Variants in ARMC9 observed in about 807,000 individuals in gnomAD.
ARMC9 encodes the protein lisH domain-containing protein ARMC9.
ARMC9 carries 94 observed loss-of-function variants against 107.0 expected under a neutral mutation model. That is an observed-to-expected ratio of 0.88 (90% CI 0.74 to 1.04). ARMC9 has a LOEUF of 1.04. Ranked by LOEUF, ARMC9 falls within the 50% of genes least tolerant of loss-of-function variation. The probability of loss-of-function intolerance (pLI) is 0.00; values close to 1 mark genes in which losing one functional copy is unlikely to be tolerated. For synonymous variants in ARMC9, 380 were observed against 396.9 expected (o/e 0.96, Z 0.51); for missense variants, 942 against 1,030.1 (o/e 0.91, Z 1.17).
chr2:231,212,104 A>C (rs2125316402), intron 3 of ARMC9, among the ~76,000 whole-genome samples: 1 of 152,364 alleles, frequency 6.6e-6, no homozygotes. Context: ...AGTTTCCCCA[A>C]GCAGTTTTAT....
intron 10 of ARMC9, 33 bp from the exon 11 acceptor site, chr2:231,258,958 T>A (rs1165010974): frequency 6.3e-7 from 1 of 1,575,646 alleles, no homozygotes. Context: ...CTTTTGCCCT[T>A]TTCTTTCTCT....
At chr2:231,248,369 T>A (rs1276559221) in intron 9 of ARMC9, among the ~76,000 whole-genome samples, 1 of 152,176 alleles carries the variant, frequency 6.6e-6, no homozygotes, top group Non-Finnish European at 1.5e-5. Context: ...TCTGGTTGTG[T>A]CTTGTTTATT....
At chr2:231,315,164 G>C (rs2042592294) in intron 19 of ARMC9, among the ~76,000 whole-genome samples, 2 of 150,834 alleles carry the variant, frequency 1.3e-5, no homozygotes, top group African/African-American at 4.9e-5. Context: ...ACTTGAACCT[G>C]GGAGGCAGAA....
At chr2:231,339,501 A>G (rs1411763553) in intron 20 of ARMC9, among the ~76,000 whole-genome samples, 1 of 152,162 alleles carries the variant, frequency 6.6e-6, no homozygotes, top group Non-Finnish European at 1.5e-5. Flanking sequence ...TTGTGCAATC[A>G]TAGCTCACTG....
At chr2:231,240,102 G>A (rs771784194) in intron 9 of ARMC9, 61 bp downstream of exon 9, 1 of 1,362,534 alleles carries the variant, frequency 7.3e-7, no homozygotes, top group Admixed American at 2.0e-5. Flanking sequence ...TAAAAAGAAT[G>A]TAACTTTAAA....
chr2:231,372,181 G>C lies in ARMC9; in HGVS notation c.*646G>C, dbSNP rs1002943242. ...GGAGATCGAGACCATCCTGGCTAAC[G>C]TGGTGAAACCCCGTCTCTACTAAAA... On this transcript the variant is annotated 3_prime_UTR_variant, in exon 25 of 25. Coordinates refer to ENST00000611582, the MANE Select transcript of ARMC9 (RefSeq NM_001352754.2). The C allele has an allele frequency of 6.6e-6, 1 of 152,354 alleles. No individual in the cohort carries two copies. The highest frequency in any genetic ancestry group is 1.5e-5 in the Non-Finnish European group (1 of 68,186). The allele number at this position is 152,354 out of a possible 1,614,324, so 9.4% of individuals were successfully genotyped here.
Position 231,262,412 on chromosome 2 carries a change from G to A in ARMC9, c.1119+14G>A. 6.2e-7 allele frequency: 1 copy of A among 1,609,294 alleles called. No individual in the cohort carries two copies. The highest frequency in any genetic ancestry group is 8.5e-7 in the Non-Finnish European group (1 of 1,175,590). ...AGCCACAACCAGGTTGGTAAGAGGT[G>A]GGGCCAGATCCCAGCCAGGGCCTTC... On this transcript the variant is annotated intron_variant, in intron 12 of 24. Coordinates refer to ENST00000611582, the MANE Select transcript of ARMC9 (RefSeq NM_001352754.2).
chr2:231,209,490 C>T (rs2032518787), intron 3 of ARMC9, among the ~76,000 whole-genome samples: 1 of 152,182 alleles, frequency 6.6e-6, no homozygotes, highest in Admixed American at 6.5e-5. Context: ...TGACTAGAGA[C>T]TGTACCATTT....
intron 9 of ARMC9, among the ~76,000 whole-genome samples, chr2:231,242,384 G>A (rs375573428): frequency 8.5e-5 from 13 of 152,118 alleles, no homozygotes; most frequent in African/African-American, 2.7e-4. Flanking sequence ...TGGTAGAAGC[G>A]GAGTCTTTGG....
chr2:231,261,419 C>T (rs574332996), intron 11 of ARMC9, among the ~76,000 whole-genome samples: 73 of 152,344 alleles, frequency 4.8e-4, no homozygotes, highest in Non-Finnish European at 7.2e-4. Flanking sequence ...CATGCATGCA[C>T]GCACACACAC....
rs1345404495 is a variant in ARMC9, at chr2:231,263,142, TTTTATTATTTCAG to T, written c.1119+747_1119+759del. On this transcript the variant is annotated intron_variant, in intron 12 of 24. Coordinates refer to ENST00000611582, the MANE Select transcript of ARMC9 (RefSeq NM_001352754.2). The stretch of plus-strand genomic sequence containing the variant: ...TGGCACGTGTTAAGAGTGTACTACA[TTTTATTATTTCAG>T]TTGAATTTTTATCCAGAGTGCTGTA... Among the ~76,000 whole-genome samples the T allele has an allele frequency of 2.6e-5, 4 of 152,306 alleles. No individual in the cohort carries two copies. The Middle Eastern group carries it at 0.01, about 389-fold the overall frequency.
At chr2:231,202,950 C>T (rs1207670103) in intron 1 of ARMC9, among the ~76,000 whole-genome samples, 1 of 152,162 alleles carries the variant, frequency 6.6e-6, no homozygotes, top group Non-Finnish European at 1.5e-5. Flanking sequence ...GGAACAGACA[C>T]ACAACTCTCC....
chr2:231,349,111 T>C (rs1010080691), intron 21 of ARMC9, among the ~76,000 whole-genome samples: 15 of 152,306 alleles, frequency 9.8e-5, no homozygotes, highest in African/African-American at 3.6e-4. Flanking sequence ...GAAGTCCATG[T>C]GTCAAAGATA....
chr2:231,270,737 A>G, intron 12 of ARMC9: 1 of 638,076 alleles, frequency 1.6e-6, no homozygotes, highest in Non-Finnish European at 3.0e-6. Flanking sequence ...CGCGCCAGTC[A>G]CTGTTCTGAG....
chr2:231,360,611 T>C lies in ARMC9; in HGVS notation c.2132-143T>C, dbSNP rs1575182426. On this transcript the variant is annotated intron_variant, in intron 22 of 24. Coordinates refer to ENST00000611582, the MANE Select transcript of ARMC9 (RefSeq NM_001352754.2). The surrounding 1 kb of genome is among the most constrained non-coding windows in gnomAD (Gnocchi z 4.7). ...CCCGGGCTGCACGAGTAAACAAGTA[T>C]CCCAAGCCACAGGCGCCAGGGAGCC... The C allele has an allele frequency of 1.5e-6, 2 of 1,334,002 alleles. No homozygotes were observed. The highest frequency in any genetic ancestry group is 4.2e-5 in the Admixed American group (2 of 47,874). 82.6% of individuals were successfully genotyped at this position (1,334,002 alleles called of 1,614,324 possible). A position where few individuals can be genotyped will look rare whatever the true frequency, so the allele number is the denominator to read the frequency against.
chr2:231,370,377 AG>A (rs2125600789), intron 24 of ARMC9, among the ~76,000 whole-genome samples: 1 of 152,270 alleles, frequency 6.6e-6, no homozygotes, highest in East Asian at 1.9e-4. Context: ...ACTCAAGCTG[AG>A]GAGTGAGACC....
intron 9 of ARMC9, among the ~76,000 whole-genome samples, chr2:231,244,842 G>C (rs2036609856): frequency 1.3e-5 from 2 of 152,362 alleles, no homozygotes; most frequent in South Asian, 4.1e-4. Flanking sequence ...TCTCTGGTGG[G>C]CTCTGCCCAA....
At chr2:231,350,946 C>CTTTTTTTTTTTTTTTTTTTT (rs770225857) in intron 21 of ARMC9, among the ~76,000 whole-genome samples, 6 of 50,598 alleles carry the variant, frequency 1.2e-4, no homozygotes, top group African/African-American at 6.0e-4. Flanking sequence ...AGTGACAATT[C>CTTTTTTTTTTTTTTTTTTTT]TTTTTTTTTT....
chr2:231,347,827 C>T (rs2044876036), intron 21 of ARMC9, among the ~76,000 whole-genome samples: 1 of 152,228 alleles, frequency 6.6e-6, no homozygotes, highest in Admixed American at 6.5e-5. Flanking sequence ...GAAAAATCCT[C>T]TCTCCCTGCC....
Sources: allele counts gnomAD v4.1 joint callset (sites outside exome capture counted in the v4.1 genomes callset), GRCh38; gene constraint gnomAD v4.1.1; non-coding constraint Gnocchi (gnomAD v3.1); transcripts MANE v1.5; gene names NCBI Gene and HGNC (gene_info 2026-07-23, HGNC 2026-07-21).